BNC2: variants seen among roughly 807,000 people sequenced by gnomAD.
BNC2 encodes basonuclin zinc finger protein 2, also known as zinc finger protein basonuclin-2.
BNC2 carries 20 observed loss-of-function variants against 76.3 expected under a neutral mutation model. The observed-to-expected ratio is 0.26, with a 90% CI of 0.18 to 0.38. BNC2 has a LOEUF of 0.38. BNC2 is among the 10% of genes least tolerant of loss of function. The pLI is 1.00. For missense variants in BNC2, 1,382 were observed against 1,399.8 expected, an observed-to-expected ratio of 0.99 and a Z score of 0.20; for synonymous variants, 582 against 514.8, an observed-to-expected ratio of 1.13 and a Z score of -1.77.
intron 5 of BNC2, among the ~76,000 whole-genome samples, chr9:16,476,628 C>T (rs1182847748): frequency 6.6e-6 from 1 of 151,634 alleles, no homozygotes; most frequent in Non-Finnish European, 1.5e-5. Flanking sequence ...CTGTAAGCTC[C>T]AAGAAAGCAG....
chr9:16,429,040 T>C (rs531804602), intron 6 of BNC2, among the ~76,000 whole-genome samples: 25 of 152,330 alleles, frequency 1.6e-4, no homozygotes, highest in South Asian at 1.0e-3. Context: ...ATCCCTCTTT[T>C]ATGACATTGC....
chr9:16,702,456 A>C (rs973986375), intron 3 of BNC2, among the ~76,000 whole-genome samples: 1 of 152,040 alleles, frequency 6.6e-6, no homozygotes, highest in Non-Finnish European at 1.5e-5. Context: ...CATCACTCTG[A>C]CATCCACAAA....
At chr9:16,522,175 G>A (rs541522359) in intron 5 of BNC2, among the ~76,000 whole-genome samples, 1 of 152,336 alleles carries the variant, frequency 6.6e-6, no homozygotes, top group African/African-American at 2.4e-5. Context: ...AGGAGGAGAG[G>A]GGAAGAGCAA....
rs367708741 is a variant in BNC2 at position 16,790,238 on chromosome 9, C to A, written c.4-51753G>T. 2.1e-4 allele frequency among the ~76,000 whole-genome samples: 32 copies of A among 152,298 alleles called. No homozygotes were observed. The East Asian group carries it at 3.7e-3, about 17-fold the overall frequency. ...GGTCTGGATCTACTGACCTCGTGATCCGCCCGCCTCGGCCTCCCAAAGTGC... is the reference window on the plus strand; with the variant it reads ...GGTCTGGATCTACTGACCTCGTGATACGCCCGCCTCGGCCTCCCAAAGTGC... On this transcript the variant is annotated intron_variant, in intron 1 of 6. Transcript: ENST00000380672.
intron 3 of BNC2, among the ~76,000 whole-genome samples, chr9:16,714,705 A>G (rs927634095): frequency 2.6e-5 from 4 of 152,208 alleles, no homozygotes; most frequent in Non-Finnish European, 5.9e-5. Context: ...AAGAGCCTAG[A>G]TATACCTAGG....
intron 6 of BNC2, among the ~76,000 whole-genome samples, chr9:16,426,201 G>C (rs1563777360): frequency 6.6e-6 from 1 of 152,252 alleles, no homozygotes; most frequent in East Asian, 1.9e-4. Flanking sequence ...TATTTACACT[G>C]GACAAATTAA....
intron 3 of BNC2, among the ~76,000 whole-genome samples, chr9:16,687,172 A>G (rs528892730): frequency 6.6e-6 from 1 of 152,252 alleles, no homozygotes; most frequent in African/African-American, 2.4e-5. Context: ...TGAGAAAGAA[A>G]AGAAAGGTTG....
At chr9:16,623,315 T>C (rs1820913503) in intron 3 of BNC2, among the ~76,000 whole-genome samples, 1 of 152,164 alleles carries the variant, frequency 6.6e-6, no homozygotes, top group Non-Finnish European at 1.5e-5. Flanking sequence ...ACTGAATTAT[T>C]TCCTGTCATG....
intron 5 of BNC2, among the ~76,000 whole-genome samples, chr9:16,457,423 G>A (rs893013142): frequency 2.6e-5 from 4 of 152,170 alleles, no homozygotes; most frequent in African/African-American, 9.7e-5. Flanking sequence ...ACTCACTACA[G>A]TGATGGGATA....
chr9:16,665,488 A>AAGAAAG (rs1370606458), intron 3 of BNC2, among the ~76,000 whole-genome samples: 3 of 135,526 alleles, frequency 2.2e-5, no homozygotes, highest in African/African-American at 9.0e-5. Flanking sequence ...GAAAGAAAGA[A>AAGAAAG]AGAGAGAGAG....
intron 1 of BNC2, among the ~76,000 whole-genome samples, chr9:16,827,451 G>C: frequency 6.6e-6 from 1 of 152,200 alleles, no homozygotes; most frequent in East Asian, 1.9e-4. Flanking sequence ...TACTGATGGA[G>C]AAAGATGAAG....
At chr9:16,557,774 G>C (rs1818882679) in intron 4 of BNC2, among the ~76,000 whole-genome samples, 2 of 151,680 alleles carry the variant, frequency 1.3e-5, no homozygotes, top group South Asian at 4.2e-4. Context: ...CCTTCACTCT[G>C]GTAATAGAAG....
intron 3 of BNC2, among the ~76,000 whole-genome samples, chr9:16,590,550 C>A (rs183350034): frequency 3.3e-5 from 5 of 151,766 alleles, no homozygotes; most frequent in Admixed American, 3.3e-4. Flanking sequence ...AATAGTGGCT[C>A]ATGCCTGTAA....
In BNC2 at chr9:16,701,913, G is replaced by C. The variant is rs369052016; in HGVS notation, c.330+25884C>G. Among the ~76,000 whole-genome samples the C allele has an allele frequency of 5.0e-5, 6 of 120,544 alleles. No homozygotes were observed. The East Asian group carries it at 9.6e-4, about 19-fold the overall frequency. 79.1% of individuals were successfully genotyped at this position (120,544 alleles called of 152,430 possible). A position where few individuals can be genotyped will look rare whatever the true frequency, so the allele number is the denominator to read the frequency against. Reference sequence around the variant, plus strand: ...GCCAAGATCATGCCATTGCACTCCAGCCTGGGTGACAGAACGAGACTCTCC... The same window carrying C: ...GCCAAGATCATGCCATTGCACTCCACCCTGGGTGACAGAACGAGACTCTCC... On this transcript the variant is annotated intron_variant, in intron 3 of 6. Transcript: ENST00000380672.
chr9:16,847,429 C>T (rs1308714783), intron 1 of BNC2, among the ~76,000 whole-genome samples: 1 of 104,604 alleles, frequency 9.6e-6, no homozygotes, highest in African/African-American at 4.0e-5. Flanking sequence ...GGGCAACAAC[C>T]CTGAAGCTTT....
chr9:16,651,237 T>A (rs981716223), intron 3 of BNC2, among the ~76,000 whole-genome samples: 6 of 152,240 alleles, frequency 3.9e-5, no homozygotes, highest in Non-Finnish European at 7.3e-5. Context: ...AGGTAGATAT[T>A]ACATCATGTA....
intron 3 of BNC2, among the ~76,000 whole-genome samples, chr9:16,676,741 C>G (rs1222791862): frequency 6.6e-6 from 1 of 152,022 alleles, no homozygotes; most frequent in African/African-American, 2.4e-5. Context: ...AAGAAGGTCT[C>G]GAAAATATGT....
chr9:16,690,491 G>T (rs72704097), intron 3 of BNC2, among the ~76,000 whole-genome samples: 12,739 of 151,970 alleles, frequency 0.084, 967 homozygotes, highest in East Asian at 0.37. Context: ...ACATACTAAC[G>T]ACACAGTATT....
chr9:16,596,692 T>C (rs1450778666), intron 3 of BNC2, among the ~76,000 whole-genome samples: 2 of 152,124 alleles, frequency 1.3e-5, no homozygotes, highest in African/African-American at 4.8e-5. Flanking sequence ...TGGCCAACGA[T>C]TATACAGCCA....
Sources: allele counts gnomAD v4.1 joint callset (sites outside exome capture counted in the v4.1 genomes callset), GRCh38; gene constraint gnomAD v4.1.1; transcripts MANE v1.5; gene names NCBI Gene and HGNC (gene_info 2026-07-23, HGNC 2026-07-21).